Variants in RIN3 observed in about 807,000 individuals in gnomAD.
RIN3 encodes RAB5 interacting protein 3.
In RIN3, 54 loss-of-function variants were observed where a neutral mutation model predicts 76.3. The ratio of observed to expected loss-of-function variants is 0.71; its 90% CI spans 0.57 to 0.89. The LOEUF (loss-of-function observed/expected upper bound fraction) is 0.89. Among genes scored for constraint, RIN3 ranks in the 40% least tolerant of loss-of-function variants. The probability of loss-of-function intolerance (pLI) is 0.00; values close to 1 mark genes in which losing one functional copy is unlikely to be tolerated. For missense variants in RIN3, 1,256 were observed against 1,322.1 expected (o/e 0.95, Z 0.78); for synonymous variants, 576 against 564.0 (o/e 1.02, Z -0.30).
At chr14:92,629,684 C>T in intron 4 of RIN3, among the ~76,000 whole-genome samples, 1 of 152,282 alleles carries the variant, frequency 6.6e-6, no homozygotes, top group East Asian at 1.9e-4. Flanking sequence ...GTACCTGGCA[C>T]TGTGCTAAGG....
rs150023914 is a variant in RIN3, at chr14:92,659,169, G to A, written c.2035G>A (p.Val679Ile). 2.4e-3 allele frequency: 3,831 copies of A among 1,614,044 alleles called. 92 individuals are homozygous for A. In the African/African-American group the frequency reaches 0.045, roughly 19 times the overall value. Residue 679 changes from valine (V) to isoleucine (I), a missense_variant, in exon 7 of 10, where the codon GTA (valine) becomes ATA (isoleucine). By Grantham distance (29) the Val-to-Ile change is conservative (BLOSUM62 3). This residue lies in a region of RIN3 where 428 missense variants were observed against 521.2 expected (regional missense o/e 0.82). Coordinates refer to ENST00000216487, the MANE Select transcript of RIN3 (RefSeq NM_024832.5). ...LHSEEELEAI[V>I]ESALYKCVLK... ...CTCTTGTTTACCTGCAGAAGCAATT[G>A]TAGAGTCTGCCTTGTACAAATGTGT... is the stretch of plus-strand genomic sequence containing the variant.
chr14:92,646,146 C>T (rs1281204252), intron 5 of RIN3, among the ~76,000 whole-genome samples: 3 of 152,164 alleles, frequency 2.0e-5, no homozygotes, highest in Non-Finnish European at 4.4e-5. Flanking sequence ...TAAACAAAAG[C>T]TGAATTCATA....
intron 7 of RIN3, 157 bp downstream of exon 7, chr14:92,659,626 C>A: frequency 1.5e-6 from 1 of 653,310 alleles, no homozygotes; most frequent in Non-Finnish European, 2.4e-6. Context: ...GGTGTAATTC[C>A]TGGGCCCTCT....
rs1896396755 is a variant in RIN3, at chr14:92,514,889, G to A, written c.44+913G>A. On this transcript the variant is annotated intron_variant, in intron 1 of 9. Transcript: ENST00000216487. This position sits in a 1 kb window ranked among gnomAD's most constrained non-coding sequence, Gnocchi z 7.2. ...TTCTGGGTACCCAGGAGCGCGTCTG[G>A]GGAGGCCATTCCCAGCTTTTTGGTT... Among the ~76,000 whole-genome samples, 1 of 152,192 alleles carries A rather than the reference G, an allele frequency of 6.6e-6. No homozygotes were observed. The highest frequency in any genetic ancestry group is 1.5e-5 in the Non-Finnish European group (1 of 68,026).
Position 92,681,358 on chromosome 14 carries a change from G to A in RIN3, c.2468-3629G>A, listed in dbSNP as rs1013518105. Among the ~76,000 whole-genome samples the A allele has an allele frequency of 2.0e-5, 3 of 152,158 alleles. No homozygotes were observed. Among genetic ancestry groups the A allele is most frequent in the African/African-American group, 7.2e-5 (3 of 41,432 alleles). On this transcript the variant is annotated intron_variant, in intron 8 of 9. Transcript: ENST00000216487. This position sits in a 1 kb window ranked among gnomAD's most constrained non-coding sequence, Gnocchi z 4.7. ...AGCACCAAGAGTGCAGCAGTAGGGCGTGGCTGCTCCCCTTTCACCTGCGAG... is the reference window on the plus strand; with the variant it reads ...AGCACCAAGAGTGCAGCAGTAGGGCATGGCTGCTCCCCTTTCACCTGCGAG...
At chr14:92,518,356 C>A (rs1241239015) in intron 1 of RIN3, among the ~76,000 whole-genome samples, 1 of 152,226 alleles carries the variant, frequency 6.6e-6, no homozygotes, top group African/African-American at 2.4e-5. Flanking sequence ...GCTGCACAGC[C>A]TTTTCTTTTG....
chr14:92,612,044 C>G (rs534522217), intron 3 of RIN3, among the ~76,000 whole-genome samples: 5 of 152,240 alleles, frequency 3.3e-5, no homozygotes, highest in African/African-American at 9.6e-5. Flanking sequence ...AGAACAGCAC[C>G]GAGGGGATGG....
Position 92,688,142 on chromosome 14 carries a change from A to C in RIN3, c.2848A>C (p.Ser950Arg), listed in dbSNP as rs202018881. 2.3e-4 allele frequency: 369 copies of C among 1,610,340 alleles called. No individual in the cohort carries two copies. Among genetic ancestry groups the C allele is most frequent in the Middle Eastern group, 1.7e-4 (1 of 6,054 alleles). Reference protein sequence around the residue: ...PHCIKGYLLRSEPKRDFHFVY... With the variant: ...PHCIKGYLLRREPKRDFHFVY... ...CTGCATCAAGGGCTACCTGCTGCGC[A>C]GCGAGCCCAAGCGCGACTTCCACTT... The change falls in exon 10 of 10, where the codon AGC (serine) becomes CGC (arginine). Residue 950 changes from serine (S) to arginine (R), a missense_variant. By Grantham distance (110) the Ser-to-Arg change is moderately radical (BLOSUM62 -1). This residue lies in a region of RIN3 where 218 missense variants were observed against 174.5 expected (regional missense o/e 1.25). Coordinates refer to ENST00000216487, the MANE Select transcript of RIN3 (RefSeq NM_024832.5).
chr14:92,590,021 C>A (rs1884924737), intron 3 of RIN3, among the ~76,000 whole-genome samples: 1 of 152,166 alleles, frequency 6.6e-6, no homozygotes, highest in Admixed American at 6.5e-5. Context: ...CCCATGGGAA[C>A]CAGTGCTGAG....
intron 3 of RIN3, among the ~76,000 whole-genome samples, chr14:92,608,282 G>T (rs1352593186): frequency 6.6e-6 from 1 of 151,054 alleles, no homozygotes; most frequent in African/African-American, 2.4e-5. Context: ...CTGGGTGAAG[G>T]GTACACAGGA....
At chr14:92,521,068 T>G (rs1409850598) in intron 1 of RIN3, among the ~76,000 whole-genome samples, 1 of 152,178 alleles carries the variant, frequency 6.6e-6, no homozygotes, top group Non-Finnish European at 1.5e-5. Flanking sequence ...CCCATCCTCC[T>G]AATCATCATC....
intron 4 of RIN3, among the ~76,000 whole-genome samples, chr14:92,620,332 T>A (rs1452687811): frequency 6.6e-6 from 1 of 152,200 alleles, no homozygotes; most frequent in Non-Finnish European, 1.5e-5. Context: ...CACAAACAGT[T>A]TACAAATTGT....
At chr14:92,657,080 G>A (rs954938880) in intron 6 of RIN3, among the ~76,000 whole-genome samples, 2 of 152,160 alleles carry the variant, frequency 1.3e-5, no homozygotes, top group Admixed American at 6.5e-5. Flanking sequence ...CAGACAGGGC[G>A]GGGTGTGGTG....
At chr14:92,662,695 G>A (rs916435726) in intron 7 of RIN3, among the ~76,000 whole-genome samples, 2 of 152,192 alleles carry the variant, frequency 1.3e-5, no homozygotes, top group South Asian at 2.1e-4. Context: ...TTTTACAGAC[G>A]CTGAGACATG....
chr14:92,683,734 C>T (rs1177014723), intron 8 of RIN3, among the ~76,000 whole-genome samples: 1 of 152,076 alleles, frequency 6.6e-6, no homozygotes, highest in Non-Finnish European at 1.5e-5. Context: ...TGTGAATTAA[C>T]TTAAGAAATG....
At chr14:92,674,956 G>T (rs1888410626) in intron 7 of RIN3, among the ~76,000 whole-genome samples, 1 of 151,650 alleles carries the variant, frequency 6.6e-6, no homozygotes, top group Non-Finnish European at 1.5e-5. Flanking sequence ...GCCATGAGCT[G>T]CACCTGACAC....
At chr14:92,680,924 C>A (rs1888640427) in intron 8 of RIN3, among the ~76,000 whole-genome samples, 1 of 152,054 alleles carries the variant, frequency 6.6e-6, no homozygotes, top group African/African-American at 2.4e-5. Context: ...TGCTGGGACC[C>A]CCGCCCCCTT....
intron 1 of RIN3, among the ~76,000 whole-genome samples, chr14:92,534,814 C>G (rs1896959778): frequency 6.6e-6 from 1 of 152,078 alleles, no homozygotes; most frequent in African/African-American, 2.4e-5. Flanking sequence ...AAGATTCATG[C>G]CTGGGTGTCT....
At chr14:92,580,055 G>A (rs370016218) in intron 3 of RIN3, among the ~76,000 whole-genome samples, 41 of 152,230 alleles carry the variant, frequency 2.7e-4, no homozygotes, top group African/African-American at 7.0e-4. Context: ...AGGTCTTTCC[G>A]CAGAGACCCA....
Sources: gnomAD v4.1 joint callset for allele counts (sites outside exome capture counted in the v4.1 genomes callset) on GRCh38, gnomAD v4.1.1 for gene constraint, gnomAD v4.1.1 regional missense constraint, Gnocchi (gnomAD v3.1) non-coding constraint, MANE v1.5 for transcripts, NCBI Gene and HGNC (gene_info 2026-07-23, HGNC 2026-07-21) for gene names.